NTM: variants seen among roughly 807,000 people sequenced by gnomAD.
The protein encoded by NTM is neurotrimin.
A neutral mutation model predicts 42.1 loss-of-function variants in NTM; 13 were observed. The observed-to-expected ratio is 0.31, with a 90% confidence interval of 0.20 to 0.49. The LOEUF (loss-of-function observed/expected upper bound fraction) is 0.49, where lower values mean the gene tolerates loss of function less well. Ranked by LOEUF, NTM falls within the 20% of genes least tolerant of loss-of-function variation. The probability of loss-of-function intolerance (pLI) is 0.99; values close to 1 mark genes in which losing one functional copy is unlikely to be tolerated. For missense variants in NTM, 373 were observed against 452.8 expected, an observed-to-expected ratio of 0.82 and a Z score of 1.60; for synonymous variants, 187 against 179.2, an observed-to-expected ratio of 1.04 and a Z score of -0.35.
chr11:131,925,150 C>G lies in NTM; in HGVS notation c.167+13502C>G, dbSNP rs564871393. On this transcript the variant is annotated intron_variant, in intron 2 of 8. Coordinates refer to ENST00000683400, the MANE Select transcript of NTM (RefSeq NM_001352005.2). ...GCACATATCCATAATGGACTTAACT[C>G]AAGACATGCTATAATTGGTGAAAAT... Among the ~76,000 whole-genome samples, 109 of 152,274 alleles carry G rather than the reference C, an allele frequency of 7.2e-4. 1 individual carries two copies. The South Asian group carries it at 0.018, about 25-fold the overall frequency.
At chr11:132,242,441 CAG>C (rs2090376050) in intron 4 of NTM, among the ~76,000 whole-genome samples, 1 of 152,118 alleles carries the variant, frequency 6.6e-6, no homozygotes, top group Admixed American at 6.5e-5. Flanking sequence ...TGGGTGGGGA[CAG>C]AGTGCAAGAG....
chr11:131,432,641 T>C (rs1230865363), intron 1 of NTM, among the ~76,000 whole-genome samples: 3 of 152,072 alleles, frequency 2.0e-5, no homozygotes, highest in African/African-American at 7.2e-5. Flanking sequence ...TAAATATCAA[T>C]AGTACTACAA....
At chr11:131,955,620 G>A (rs1037922492) in intron 2 of NTM, among the ~76,000 whole-genome samples, 2 of 152,112 alleles carry the variant, frequency 1.3e-5, no homozygotes, top group African/African-American at 2.4e-5. Context: ...TTAGGAAGCC[G>A]ACTTTCCTAA....
chr11:131,954,016 A>C (rs1464999169), intron 2 of NTM, among the ~76,000 whole-genome samples: 3 of 152,180 alleles, frequency 2.0e-5, no homozygotes, highest in Non-Finnish European at 4.4e-5. Flanking sequence ...AATTTATTGT[A>C]TTTAATAGCT....
Position 131,958,880 on chromosome 11 carries a change from C to T in NTM, c.167+47232C>T, listed in dbSNP as rs58238919. 9.6e-3 allele frequency among the ~76,000 whole-genome samples: 1,469 copies of T among 152,252 alleles called. 16 individuals are homozygous for T. Among genetic ancestry groups the T allele is most frequent in the African/African-American group, 0.034 (1,399 of 41,528 alleles). ...TTTTTGGAAGAGAAATAGGAGCCTTCGCCAACTAAGAAATCACTGTGGCCT... is the reference window on the plus strand; with the variant it reads ...TTTTTGGAAGAGAAATAGGAGCCTTTGCCAACTAAGAAATCACTGTGGCCT... On this transcript the variant is annotated intron_variant, in intron 2 of 8. Transcript: ENST00000683400.
At chr11:131,682,442 T>C (rs929683952) in intron 1 of NTM, among the ~76,000 whole-genome samples, 1 of 152,164 alleles carries the variant, frequency 6.6e-6, no homozygotes, top group African/African-American at 2.4e-5. Context: ...CCCCATCGGC[T>C]GCAGGGAGTC....
At chr11:132,248,589 G>T (rs1349018213) in intron 4 of NTM, among the ~76,000 whole-genome samples, 1 of 152,152 alleles carries the variant, frequency 6.6e-6, no homozygotes, top group Non-Finnish European at 1.5e-5. Flanking sequence ...CAGAAGTGTT[G>T]TTTGTTCTTT....
intron 1 of NTM, chr11:131,771,170 G>C (rs2086029149): frequency 6.6e-6 from 1 of 152,148 alleles, no homozygotes; most frequent in African/African-American, 2.4e-5. Flanking sequence ...TGGCATCTTG[G>C]AAATTCTCAA....
At chr11:131,730,408 G>A (rs377339690) in intron 1 of NTM, among the ~76,000 whole-genome samples, 2 of 152,100 alleles carry the variant, frequency 1.3e-5, no homozygotes, top group African/African-American at 4.8e-5. Flanking sequence ...GTCATAAAGG[G>A]GAGAAATGTC....
At chr11:131,922,663 C>T (rs796745398) in intron 2 of NTM, among the ~76,000 whole-genome samples, 20 of 152,342 alleles carry the variant, frequency 1.3e-4, no homozygotes, top group African/African-American at 3.6e-4. Flanking sequence ...ACCGTCTCTC[C>T]TCGGCTCTTC....
chr11:131,513,766 T>C (rs1408854423), intron 1 of NTM, among the ~76,000 whole-genome samples: 5 of 152,110 alleles, frequency 3.3e-5, no homozygotes, highest in African/African-American at 1.2e-4. Flanking sequence ...CTGAAAATAT[T>C]TATAAGTATT....
intron 1 of NTM, chr11:131,671,676 C>T (rs756292720): frequency 5.4e-5 from 48 of 883,062 alleles, no homozygotes; most frequent in South Asian, 1.0e-4. Flanking sequence ...AGGAAGCAGA[C>T]GCCTTGGGCT....
intron 7 of NTM, 41 bp downstream of exon 7, chr11:132,314,744 G>T: frequency 6.3e-7 from 1 of 1,578,974 alleles, no homozygotes; most frequent in Non-Finnish European, 8.6e-7. Flanking sequence ...AGGGGAGAGG[G>T]TGCAGAACGG....
Position 131,687,557 on chromosome 11 carries a change from C to T in NTM, c.83-224007C>T, listed in dbSNP as rs2074053877. 3.3e-5 allele frequency among the ~76,000 whole-genome samples: 5 copies of T among 152,314 alleles called. 1 individual carries two copies. Among genetic ancestry groups the T allele is most frequent in the Middle Eastern group, 6.8e-3 (2 of 294 alleles). ...GTCCCGCCTTGCCTGTCTTCCCTGT[C>T]CACCTCACCTTCGCCCCCGGGGGTG... On this transcript the variant is annotated intron_variant, in intron 1 of 8. Transcript: ENST00000683400.
chr11:131,892,416 T>A (rs1396158901), intron 1 of NTM, among the ~76,000 whole-genome samples: 2 of 152,260 alleles, frequency 1.3e-5, no homozygotes, highest in African/African-American at 4.8e-5. Flanking sequence ...TGAATTACAA[T>A]TGTGTGCACA....
chr11:131,895,172 A>G (rs1218086712), intron 1 of NTM, among the ~76,000 whole-genome samples: 3 of 152,252 alleles, frequency 2.0e-5, no homozygotes, highest in African/African-American at 7.2e-5. Flanking sequence ...ATAGAGTCCC[A>G]TAAATCCAAA....
intron 8 of NTM, among the ~76,000 whole-genome samples, chr11:132,331,113 ACT>A (rs1277504911): frequency 6.6e-6 from 1 of 152,100 alleles, no homozygotes; most frequent in Non-Finnish European, 1.5e-5. Context: ...ATGCAGCCAC[ACT>A]CTCTTCTCTT....
intron 1 of NTM, among the ~76,000 whole-genome samples, chr11:131,689,101 AG>A (rs1216389016): frequency 2.0e-5 from 3 of 151,522 alleles, no homozygotes; most frequent in Admixed American, 6.5e-5. Context: ...GCAGCCCCCG[AG>A]GAAGGAAGGA....
intron 3 of NTM, among the ~76,000 whole-genome samples, chr11:132,176,762 C>G (rs1330156929): frequency 8.4e-6 from 1 of 119,444 alleles, no homozygotes; most frequent in African/African-American, 3.1e-5. Flanking sequence ...GAGTCTCACT[C>G]TTGTCACCCA....
Sources: allele counts gnomAD v4.1 joint callset (sites outside exome capture counted in the v4.1 genomes callset), GRCh38; gene constraint gnomAD v4.1.1; transcripts MANE v1.5; gene names NCBI Gene and HGNC (gene_info 2026-07-23, HGNC 2026-07-21).